Variants in FGF13 observed in about 807,000 individuals in gnomAD.
FGF13 encodes the protein fibroblast growth factor 13, also known as fibroblast growth factor homologous factor 2.
Under a neutral mutation model 19.5 loss-of-function variants are expected in FGF13, and 2 were observed. The ratio of observed to expected loss-of-function variants is 0.10; its 90% CI spans 0.04 to 0.32. The LOEUF (loss-of-function observed/expected upper bound fraction) is 0.32. FGF13 is among the 10% of genes least tolerant of loss of function. The pLI, the probability that FGF13 is intolerant of heterozygous loss-of-function variation, is 1.00. For synonymous variants in FGF13, 72 were observed against 76.9 expected (o/e 0.94, Z 0.33); for missense variants, 113 against 192.7 (o/e 0.59, Z 2.45).
At chrX:139,010,780 G>T in intron 1 of FGF13, among the ~76,000 whole-genome samples, 1 of 109,485 alleles carries the variant, frequency 9.1e-6, no homozygotes, top group East Asian at 2.9e-4. Flanking sequence ...CCCAAACCCC[G>T]CAGAAGAAAA....
chrX:138,964,518 A>T (rs2091887316), intron 1 of FGF13, among the ~76,000 whole-genome samples: 1 of 111,904 alleles, frequency 8.9e-6, no homozygotes, highest in African/African-American at 3.2e-5. Flanking sequence ...GACATTTCAG[A>T]CATCAAACAG....
intron 1 of FGF13, among the ~76,000 whole-genome samples, chrX:138,880,381 C>A (rs766787659): frequency 1.8e-5 from 2 of 111,987 alleles, no homozygotes; most frequent in South Asian, 7.5e-4. Flanking sequence ...CACATGCACA[C>A]GTATGTTTAC....
chrX:138,984,285 G>A, intron 1 of FGF13, among the ~76,000 whole-genome samples: 1 of 108,332 alleles, frequency 9.2e-6, no homozygotes, highest in East Asian at 2.9e-4. Flanking sequence ...GCACATGCCT[G>A]TAGTACAAAG....
chrX:138,666,742 G>T (rs1190229069), intron 3 of FGF13, among the ~76,000 whole-genome samples: 2 of 110,868 alleles, frequency 1.8e-5, no homozygotes, highest in East Asian at 5.6e-4. Context: ...TATCATATAT[G>T]AACAGAATAC....
intron 1 of FGF13, among the ~76,000 whole-genome samples, chrX:139,157,377 T>C (rs749497183): frequency 1.8e-5 from 2 of 111,989 alleles, no homozygotes; most frequent in African/African-American, 6.5e-5. Context: ...TCTGCTATGG[T>C]TTAAATGTAT....
At chrX:138,926,769 G>A (rs1405511118) in intron 1 of FGF13, among the ~76,000 whole-genome samples, 1 of 111,539 alleles carries the variant, frequency 9.0e-6, no homozygotes, top group Non-Finnish European at 1.9e-5. Context: ...CCTGGCCAAC[G>A]TGGCAAAACC....
At chrX:139,152,302 A>G (rs1664895903) in intron 1 of FGF13, among the ~76,000 whole-genome samples, 1 of 96,934 alleles carries the variant, frequency 1.0e-5, no homozygotes, top group African/African-American at 3.9e-5. Flanking sequence ...GCGATTACCG[A>G]TGTGATTAAG....
chrX:138,710,790 G>A (rs201332728), intron 1 of FGF13, 27 bp downstream of exon 1: 1 of 1,207,769 alleles, frequency 8.3e-7, no homozygotes, highest in African/African-American at 1.7e-5. Flanking sequence ...AAAGTATGGG[G>A]AAAAGAAAGC....
At chrX:138,786,109 C>A (rs2090689936) in intron 3 of FGF13, among the ~76,000 whole-genome samples, 1 of 112,194 alleles carries the variant, frequency 8.9e-6, no homozygotes, top group Admixed American at 9.5e-5. Context: ...TGTTTTCTTT[C>A]TTAGCTTCGT....
intron 1 of FGF13, among the ~76,000 whole-genome samples, chrX:138,900,255 A>G (rs2091525484): frequency 9.0e-6 from 1 of 111,162 alleles, no homozygotes; most frequent in African/African-American, 3.3e-5. Context: ...AGGGATCCAG[A>G]CAGGATCATG....
chrX:139,060,334 G>A (rs2092332823), intron 1 of FGF13, among the ~76,000 whole-genome samples: 1 of 111,012 alleles, frequency 9.0e-6, no homozygotes, highest in Non-Finnish European at 1.9e-5. Context: ...TGCTGCTATA[G>A]TGAATGGGAG....
intron 3 of FGF13, among the ~76,000 whole-genome samples, chrX:138,786,203 G>C (rs1470594905): frequency 9.0e-6 from 1 of 111,546 alleles, no homozygotes; most frequent in East Asian, 2.8e-4. Flanking sequence ...CTTTTCTTAA[G>C]ATCTTCTAGG....
chrX:138,693,045 C>T (rs779158685), intron 3 of FGF13, among the ~76,000 whole-genome samples: 1 of 111,199 alleles, frequency 9.0e-6, no homozygotes, highest in African/African-American at 3.3e-5. Context: ...TAGACCATCA[C>T]CCTGAATACT....
At chrX:138,663,162 G>T (rs1259629991) in intron 3 of FGF13, among the ~76,000 whole-genome samples, 1 of 111,333 alleles carries the variant, frequency 9.0e-6, no homozygotes, top group Non-Finnish European at 1.9e-5. Context: ...ATTTCTCTTG[G>T]AGTTTTGTAT....
intron 3 of FGF13, among the ~76,000 whole-genome samples, chrX:138,654,713 C>A (rs923192582): frequency 4.5e-5 from 5 of 110,175 alleles, no homozygotes; most frequent in African/African-American, 1.3e-4. Flanking sequence ...TGCACTCCAG[C>A]CTGGGTGACA....
At chrX:138,958,529 G>A (rs112545658) in intron 1 of FGF13, among the ~76,000 whole-genome samples, 178 of 111,829 alleles carry the variant, frequency 1.6e-3, no homozygotes, top group African/African-American at 5.7e-3. Flanking sequence ...GATTATGCTG[G>A]CCTCATAAAA....
At chrX:139,110,150 C>T (rs1427047773) in intron 1 of FGF13, among the ~76,000 whole-genome samples, 1 of 109,428 alleles carries the variant, frequency 9.1e-6, no homozygotes, top group Non-Finnish European at 1.9e-5. Flanking sequence ...ATTTATATTT[C>T]AAATATTTAT....
intron 1 of FGF13, among the ~76,000 whole-genome samples, chrX:139,003,564 T>G (rs1403302748): frequency 9.0e-6 from 1 of 110,819 alleles, no homozygotes; most frequent in Non-Finnish European, 1.9e-5. Flanking sequence ...GATTGGTGTG[T>G]TTACAATCCC....
At chrX:139,112,005 C>A (rs1009657817) in intron 1 of FGF13, among the ~76,000 whole-genome samples, 1 of 111,884 alleles carries the variant, frequency 8.9e-6, no homozygotes, top group Non-Finnish European at 1.9e-5. Context: ...TATTCCATGA[C>A]CATTTAGTAG....
Sources: allele counts gnomAD v4.1 joint callset (sites outside exome capture counted in the v4.1 genomes callset), GRCh38; gene constraint gnomAD v4.1.1; transcripts MANE v1.5; gene names NCBI Gene and HGNC (gene_info 2026-07-23, HGNC 2026-07-21).